PARP4: variants seen among roughly 807,000 people sequenced by gnomAD.
PARP4 encodes poly(ADP-ribose) polymerase family member 4.
In PARP4, 120 loss-of-function variants were observed where a neutral mutation model predicts 187.7. The ratio of observed to expected loss-of-function variants is 0.64; its 90% CI spans 0.55 to 0.74. The LOEUF (loss-of-function observed/expected upper bound fraction) is 0.74. PARP4 is among the 30% of genes least tolerant of loss of function. PARP4 has a pLI of 0.00. For synonymous variants in PARP4, 654 were observed against 740.9 expected, an observed-to-expected ratio of 0.88 and a Z score of 1.90; for missense variants, 1,836 against 2,070.5, an observed-to-expected ratio of 0.89 and a Z score of 2.20.
chr13:24,503,302 G>A (rs1217491682), intron 2 of PARP4, among the ~76,000 whole-genome samples: 1 of 152,238 alleles, frequency 6.6e-6, no homozygotes, highest in Non-Finnish European at 1.5e-5. Flanking sequence ...TGACGACAGT[G>A]CGCTTTTTGC....
Position 24,434,591 on chromosome 13 carries a change from G to C in PARP4, c.4550C>G (p.Ala1517Gly). ...SLEGSRCPVFAFQSSDTESDE... is the reference protein window; with the variant it reads ...SLEGSRCPVFGFQSSDTESDE... ...ACTTTCTGTGTCAGAACTTTGAAAA[G>C]CAAAGACAGGACATCGACTTCCTTC... The change falls in exon 31 of 34, where the codon GCT (alanine) becomes GGT (glycine). Residue 1517 changes from alanine to glycine, a missense_variant. Ala to Gly is a moderately conservative substitution (Grantham distance 60). Around this residue, in one of 8 missense-constraint regions of PARP4, gnomAD observed 450 missense variants for 439.2 expected, o/e 1.02. Coordinates refer to ENST00000381989, the MANE Select transcript of PARP4 (RefSeq NM_006437.4). 1 of 1,612,488 alleles carries C rather than the reference G, an allele frequency of 6.2e-7. No individual in the cohort carries two copies. The highest frequency in any genetic ancestry group is 2.2e-5 in the East Asian group (1 of 44,822).
intron 17 of PARP4, among the ~76,000 whole-genome samples, chr13:24,466,383 T>C (rs547281875): frequency 1.3e-5 from 2 of 152,112 alleles, no homozygotes; most frequent in Non-Finnish European, 2.9e-5. Flanking sequence ...GGTTTCACCA[T>C]GTTGCCCAAG....
chr13:24,457,770 C>CA (rs33930012), intron 20 of PARP4, among the ~76,000 whole-genome samples: 1,372 of 85,458 alleles, frequency 0.016, 78 homozygotes, highest in African/African-American at 0.034. Context: ...GACTCTGTCT[C>CA]AAAAAAAAAA....
At chr13:24,462,245 C>T (rs1052426543) in intron 17 of PARP4, among the ~76,000 whole-genome samples, 1 of 152,146 alleles carries the variant, frequency 6.6e-6, no homozygotes, top group Non-Finnish European at 1.5e-5. Flanking sequence ...GCAGAGTCTG[C>T]TGAAAGCTGG....
chr13:24,496,865 A>C (rs1309297730), intron 6 of PARP4, among the ~76,000 whole-genome samples: 1 of 152,194 alleles, frequency 6.6e-6, no homozygotes, highest in East Asian at 1.9e-4. Context: ...TCTACTAAAA[A>C]TACAAAAATT....
intron 15 of PARP4, among the ~76,000 whole-genome samples, chr13:24,470,253 G>C (rs149840794): frequency 6.6e-6 from 1 of 152,310 alleles, no homozygotes; most frequent in Non-Finnish European, 1.5e-5. Context: ...GACTGGAATA[G>C]AAGCCACCTG....
intron 32 of PARP4, among the ~76,000 whole-genome samples, chr13:24,430,710 C>A (rs1253635518): frequency 6.6e-6 from 1 of 152,016 alleles, no homozygotes; most frequent in Non-Finnish European, 1.5e-5. Flanking sequence ...ACCTTCAAAC[C>A]ACTTGCTGGG....
intron 12 of PARP4, among the ~76,000 whole-genome samples, chr13:24,479,755 C>T (rs1873168869): frequency 6.6e-6 from 1 of 152,176 alleles, no homozygotes; most frequent in Non-Finnish European, 1.5e-5. Flanking sequence ...AAGCAGGCTG[C>T]CCCAGCCAGC....
Position 24,442,900 on chromosome 13 carries a change from C to T in PARP4, c.3448-215G>A, listed in dbSNP as rs141248072. Reference sequence around the variant, plus strand: ...CTCCCTCTAGTTCAGAGAGCTCTCCCGGGCAGTGGGCTTTCTCATTCTTTC... The same window carrying T: ...CTCCCTCTAGTTCAGAGAGCTCTCCTGGGCAGTGGGCTTTCTCATTCTTTC... On this transcript the variant is annotated intron_variant, in intron 28 of 33. Transcript: ENST00000381989. Among the ~76,000 whole-genome samples, 92 of 152,198 alleles carry T rather than the reference C, an allele frequency of 6.0e-4. 1 individual carries two copies. In the East Asian group the frequency reaches 0.016, roughly 26 times the overall value.
chr13:24,444,862 A>T (rs889627307), intron 27 of PARP4, among the ~76,000 whole-genome samples: 2 of 152,232 alleles, frequency 1.3e-5, no homozygotes, highest in Non-Finnish European at 2.9e-5. Context: ...AGACCCCCTT[A>T]TCTGCCTTAT....
At chr13:24,481,677 G>C (rs530062116) in intron 12 of PARP4, among the ~76,000 whole-genome samples, 1 of 152,100 alleles carries the variant, frequency 6.6e-6, no homozygotes, top group East Asian at 1.9e-4. Context: ...TGGGCAACAA[G>C]AGCAAACTCC....
At chr13:24,498,537 A>G (rs1869088297) in intron 5 of PARP4, among the ~76,000 whole-genome samples, 1 of 152,146 alleles carries the variant, frequency 6.6e-6, no homozygotes, top group South Asian at 2.1e-4. Flanking sequence ...GTTACATTTT[A>G]TTAACATATC....
chr13:24,429,078 AT>A (rs1216678235), intron 32 of PARP4, among the ~76,000 whole-genome samples: 1 of 151,824 alleles, frequency 6.6e-6, no homozygotes, highest in Non-Finnish European at 1.5e-5. Flanking sequence ...GAATTAAATG[AT>A]TTTTTTCCTG....
chr13:24,436,694 TTAC>T (rs3082362), intron 30 of PARP4, among the ~76,000 whole-genome samples: 60,085 of 151,764 alleles, frequency 0.4, 12,095 homozygotes, highest in African/African-American at 0.46. Context: ...GGATGCTATA[TTAC>T]TACTATTGTT....
intron 1 of PARP4, among the ~76,000 whole-genome samples, 158 bp from the exon 2 acceptor site, chr13:24,503,935 C>G (rs2012359): frequency 0.17 from 25,139 of 152,086 alleles, 2,322 homozygotes; most frequent in East Asian, 0.3. Context: ...GAATAATATC[C>G]TAGCTTGCAA....
chr13:24,509,573 T>C (rs9581095), intron 1 of PARP4, among the ~76,000 whole-genome samples: 2,173 of 152,174 alleles, frequency 0.014, 61 homozygotes, highest in African/African-American at 0.049. Context: ...GTATGTAAAT[T>C]GTACCCCAAT....
intron 17 of PARP4, among the ~76,000 whole-genome samples, chr13:24,460,360 G>A (rs749411053): frequency 6.6e-6 from 1 of 152,096 alleles, no homozygotes; most frequent in Non-Finnish European, 1.5e-5. Context: ...AGATGGAGAG[G>A]GGCCCCCTTG....
At chr13:24,434,060 C>T (rs1240074030) in intron 31 of PARP4, among the ~76,000 whole-genome samples, 2 of 152,166 alleles carry the variant, frequency 1.3e-5, no homozygotes, top group African/African-American at 4.8e-5. Context: ...TCCATTAGTT[C>T]TAGAATCTAG....
intron 2 of PARP4, among the ~76,000 whole-genome samples, chr13:24,503,060 G>A (rs1050548891): frequency 6.6e-6 from 1 of 152,218 alleles, no homozygotes. Flanking sequence ...TTAAAAAAGA[G>A]GAGGTTAAAC....
Sources: gnomAD v4.1 joint callset for allele counts (sites outside exome capture counted in the v4.1 genomes callset) on GRCh38, gnomAD v4.1.1 for gene constraint, gnomAD v4.1.1 regional missense constraint, MANE v1.5 for transcripts, NCBI Gene and HGNC (gene_info 2026-07-23, HGNC 2026-07-21) for gene names.